The following HIPK3 variants were observed in gnomAD, a reference collection of about 807,000 sequenced individuals.
The protein encoded by HIPK3 is homeodomain interacting protein kinase 3.
HIPK3 carries 47 observed loss-of-function variants against 124.2 expected under a neutral mutation model. That is an observed-to-expected ratio of 0.38 (90% CI 0.30 to 0.48). The LOEUF (loss-of-function observed/expected upper bound fraction) is 0.48. HIPK3 is among the 20% of genes least tolerant of loss of function. The probability of loss-of-function intolerance (pLI) is 0.98; values close to 1 mark genes in which losing one functional copy is unlikely to be tolerated. For synonymous variants in HIPK3, 482 were observed against 515.2 expected, an observed-to-expected ratio of 0.94 and a Z score of 0.87; for missense variants, 1,286 against 1,454.3, an observed-to-expected ratio of 0.88 and a Z score of 1.88.
Position 33,348,717 on chromosome 11 carries a change from A to G in HIPK3, c.2565A>G (p.Gln855=). The part of the protein sequence containing the change: ...SDSSVSDKQR[Q]TIIIADSPSP... ...CATCAGTTTCAGACAAACAGCGGCA[A>G]ACCATCATTATTGCCGACTCCCCGA... The change falls in exon 13 of 17, where the codon CAA becomes CAG. Residue 855 remains glutamine, a synonymous_variant. Transcript: ENST00000303296. The G allele has an allele frequency of 6.2e-7, 1 of 1,614,206 alleles. No homozygotes were observed. The highest frequency in any genetic ancestry group is 8.5e-7 in the Non-Finnish European group (1 of 1,180,032).
chr11:33,327,874 T>C (rs1460957192), intron 2 of HIPK3, among the ~76,000 whole-genome samples: 3 of 152,190 alleles, frequency 2.0e-5, no homozygotes, highest in South Asian at 2.1e-4. Flanking sequence ...TATCTAGGAA[T>C]AATATGTTTC....
At position 33,348,432 on chromosome 11, in the gene HIPK3, G is replaced by A. The variant is rs1163473309; in HGVS notation, c.2370-90G>A. The stretch of plus-strand genomic sequence containing the variant: ...TATTCATGAACTCGAACAAGTGAAG[G>A]TTCTCATTTTCTGGTTTAACAAGAT... On this transcript the variant is annotated intron_variant, in intron 12 of 16. Coordinates refer to ENST00000303296, the MANE Select transcript of HIPK3 (RefSeq NM_005734.5). The A allele has an allele frequency of 6.1e-6, 7 of 1,153,312 alleles. No homozygotes were observed. The Admixed American group carries it at 1.8e-4, about 30-fold the overall frequency. The allele number at this position is 1,153,312 out of a possible 1,614,324, so 71.4% of individuals were successfully genotyped here.
rs56902582 is a variant in HIPK3, at chr11:33,281,058, C to CTTTTTTTTTTTTTTTTT, written c.-2-5342_-2-5326dup. 2.7e-5 allele frequency among the ~76,000 whole-genome samples: 3 copies of CTTTTTTTTTTTTTTTTT among 111,808 alleles called. 1 individual carries two copies. The highest frequency in any genetic ancestry group is 6.1e-4 in the South Asian group (2 of 3,276). The allele number at this position is 111,808 out of a possible 152,430, so 73.4% of individuals were successfully genotyped here. ...TTTATGTGTATATTTACTTATTTGACTTTTTTTTTTTTTTTTTTTTTTTTT... is the reference window on the plus strand; with the variant it reads ...TTTATGTGTATATTTACTTATTTGACTTTTTTTTTTTTTTTTTTTTTTTTTTTTTTTTTTTTTTTTTT... On this transcript the variant is annotated intron_variant, in intron 1 of 16. Coordinates refer to ENST00000303296, the MANE Select transcript of HIPK3 (RefSeq NM_005734.5).
At chr11:33,262,299 G>T (rs927682209) in intron 1 of HIPK3, among the ~76,000 whole-genome samples, 3 of 152,192 alleles carry the variant, frequency 2.0e-5, no homozygotes, top group Non-Finnish European at 4.4e-5. Flanking sequence ...TGCCATAGAT[G>T]TTCTTTGGGA....
Position 33,347,657 on chromosome 11 carries a change from T to A in HIPK3, c.2048T>A (p.Leu683Gln), listed in dbSNP as rs1039658135. Residue 683 changes from leucine (L) to glutamine (Q), a missense_variant, in exon 10 of 17, where the codon CTG becomes CAG. Transcript: ENST00000303296. The part of the protein sequence containing the change: ...QTWSGRTQQM[L>Q]VPAWQQVTPL... ...TGGTCTGGTAGAACACAGCAGATGC[T>A]GGTGCCTGCCTGGCAACAGGTGACA... is the stretch of plus-strand genomic sequence containing the variant. 1 of 1,614,160 alleles carries A rather than the reference T, an allele frequency of 6.2e-7. No individual in the cohort carries two copies. Among genetic ancestry groups the A allele is most frequent in the Non-Finnish European group, 8.5e-7 (1 of 1,179,986 alleles).
At chr11:33,306,470 T>TC (rs1852162738) in intron 2 of HIPK3, among the ~76,000 whole-genome samples, 1 of 152,074 alleles carries the variant, frequency 6.6e-6, no homozygotes, top group African/African-American at 2.4e-5. Context: ...AATTGCTTTT[T>TC]TTTAAAAAAA....
At chr11:33,278,488 AGGAATAGGAGAG>A (rs1467670263) in intron 1 of HIPK3, among the ~76,000 whole-genome samples, 3 of 152,196 alleles carry the variant, frequency 2.0e-5, no homozygotes, top group Non-Finnish European at 4.4e-5. Context: ...AGACCAAAGT[AGGAATAGGAGAG>A]GGACTTGGTA....
intron 1 of HIPK3, among the ~76,000 whole-genome samples, chr11:33,259,142 CTTATA>C (rs1850757341): frequency 6.6e-6 from 1 of 152,064 alleles, no homozygotes; most frequent in East Asian, 1.9e-4. Context: ...AGTGGGAGTA[CTTATA>C]TTCATTCAAA....
intron 6 of HIPK3, among the ~76,000 whole-genome samples, chr11:33,340,714 A>G (rs1158169544): frequency 6.6e-6 from 1 of 151,994 alleles, no homozygotes; most frequent in Non-Finnish European, 1.5e-5. Flanking sequence ...AAATTATTGC[A>G]TGCTAACCAA....
intron 2 of HIPK3, among the ~76,000 whole-genome samples, chr11:33,295,271 A>ACC (rs1851808502): frequency 5.7e-5 from 7 of 122,392 alleles, no homozygotes; most frequent in African/African-American, 1.3e-4. Context: ...AGAAGCAGCC[A>ACC]CCACCGCCCC....
At chr11:33,273,020 G>A (rs1370369205) in intron 1 of HIPK3, among the ~76,000 whole-genome samples, 1 of 150,798 alleles carries the variant, frequency 6.6e-6, no homozygotes, top group African/African-American at 2.4e-5. Context: ...TTTAAATAGA[G>A]ATGGGGTCTT....
intron 1 of HIPK3, among the ~76,000 whole-genome samples, chr11:33,265,183 T>C (rs1422812508): frequency 6.6e-6 from 1 of 152,254 alleles, no homozygotes; most frequent in Non-Finnish European, 1.5e-5. Flanking sequence ...CAGGTTATGC[T>C]GCTATATAAC....
chr11:33,259,472 A>G (rs1391783250), intron 1 of HIPK3, among the ~76,000 whole-genome samples: 1 of 152,154 alleles, frequency 6.6e-6, no homozygotes, highest in Non-Finnish European at 1.5e-5. Flanking sequence ...GACCTTTTGT[A>G]AAAAAAGTTT....
At chr11:33,272,409 AAAT>A (rs1667255850) in intron 1 of HIPK3, among the ~76,000 whole-genome samples, 1 of 151,938 alleles carries the variant, frequency 6.6e-6, no homozygotes, top group South Asian at 2.1e-4. Context: ...CAAAAAAAAA[AAAT>A]AATAATAATT....
intron 2 of HIPK3, among the ~76,000 whole-genome samples, chr11:33,293,535 G>A (rs1298095808): frequency 3.3e-5 from 5 of 151,700 alleles, no homozygotes; most frequent in South Asian, 2.1e-4. Context: ...GGTCCTTTTC[G>A]ACTGAGTTTT....
chr11:33,345,790 A>C (rs956113138), intron 8 of HIPK3, among the ~76,000 whole-genome samples: 23 of 152,116 alleles, frequency 1.5e-4, no homozygotes, highest in African/African-American at 5.6e-4. Context: ...GAGCACAGAG[A>C]GTAGAATACC....
At chr11:33,263,602 CGCGCCTGGCT>C (rs1565051118) in intron 1 of HIPK3, among the ~76,000 whole-genome samples, 1 of 152,152 alleles carries the variant, frequency 6.6e-6, no homozygotes, top group Non-Finnish European at 1.5e-5. Flanking sequence ...AGTAAGCCAC[CGCGCCTGGCT>C]GCTATGATTT....
At chr11:33,271,041 TAA>T (rs10568356) in intron 1 of HIPK3, among the ~76,000 whole-genome samples, 271 of 152,300 alleles carry the variant, frequency 1.8e-3, no homozygotes, top group African/African-American at 6.1e-3. Flanking sequence ...CAAAATACTT[TAA>T]GTTTTATATT....
At chr11:33,267,731 C>T (rs1239828467) in intron 1 of HIPK3, among the ~76,000 whole-genome samples, 1 of 145,508 alleles carries the variant, frequency 6.9e-6, no homozygotes, top group Non-Finnish European at 1.5e-5. Flanking sequence ...CTCCTGACCT[C>T]GTGATCCGCC....
Sources: allele counts gnomAD v4.1 joint callset (sites outside exome capture counted in the v4.1 genomes callset), GRCh38; gene constraint gnomAD v4.1.1; transcripts MANE v1.5; gene names NCBI Gene and HGNC (gene_info 2026-07-23, HGNC 2026-07-21).